SPTLC1: variants seen among roughly 807,000 people sequenced by gnomAD.
SPTLC1 encodes the protein serine palmitoyltransferase long chain base subunit 1.
In SPTLC1, 55 loss-of-function variants were observed where a neutral mutation model predicts 68.9. The ratio of observed to expected loss-of-function variants is 0.80; its 90% CI spans 0.64 to 1.00. The LOEUF (loss-of-function observed/expected upper bound fraction) is 1.00. Ranked by LOEUF, SPTLC1 falls within the 50% of genes least tolerant of loss-of-function variation. SPTLC1 has a pLI of 0.00. For missense variants in SPTLC1, 449 were observed against 573.1 expected (o/e 0.78, Z 2.21); for synonymous variants, 197 against 201.6 (o/e 0.98, Z 0.19).
intron 2 of SPTLC1, chr9:92,111,000 T>C (rs1353697641): frequency 6.6e-6 from 1 of 152,172 alleles, no homozygotes; most frequent in Non-Finnish European, 1.5e-5. Flanking sequence ...CAAACAATAA[T>C]TCATCTAACT....
intron 7 of SPTLC1, among the ~76,000 whole-genome samples, chr9:92,056,283 G>A (rs1833887881): frequency 6.6e-6 from 1 of 152,172 alleles, no homozygotes; most frequent in South Asian, 2.1e-4. Context: ...AGGTGGGAGT[G>A]CAGTGGCGCC....
At chr9:92,086,463 G>C (rs1835137105) in intron 3 of SPTLC1, among the ~76,000 whole-genome samples, 1 of 152,100 alleles carries the variant, frequency 6.6e-6, no homozygotes, top group Non-Finnish European at 1.5e-5. Context: ...CTCAGCATTT[G>C]CTTGTCTGTA....
At chr9:92,114,573 T>C (rs1324790168) in intron 1 of SPTLC1, among the ~76,000 whole-genome samples, 1 of 151,866 alleles carries the variant, frequency 6.6e-6, no homozygotes, top group Non-Finnish European at 1.5e-5. Context: ...CCGTCTCTAA[T>C]AAAAATACAA....
At chr9:92,081,534 C>A (rs1215634104) in intron 3 of SPTLC1, among the ~76,000 whole-genome samples, 1 of 152,168 alleles carries the variant, frequency 6.6e-6, no homozygotes, top group Non-Finnish European at 1.5e-5. Flanking sequence ...TACACTGGAG[C>A]CGGATATGAG....
rs146327121 is a variant in SPTLC1 at position 92,064,684 on chromosome 9, C to T, written c.560+3282G>A. ...GTTTAGAGCAGCTTTTTTTTTATAA[C>T]AGCACAAAGCTGGCAACAACTCAGA... On this transcript the variant is annotated intron_variant, in intron 6 of 14. Coordinates refer to ENST00000262554, the MANE Select transcript of SPTLC1 (RefSeq NM_006415.4). 2.6e-5 allele frequency among the ~76,000 whole-genome samples: 4 copies of T among 152,134 alleles called. No individual in the cohort carries two copies. In the East Asian group the frequency reaches 5.8e-4, roughly 22 times the overall value.
chr9:92,032,502 G>T lies in SPTLC1; in HGVS notation c.1385C>A (p.Ser462Tyr), dbSNP rs150792865. 1.1e-5 allele frequency: 18 copies of T among 1,614,194 alleles called. No homozygotes were observed. Among genetic ancestry groups the T allele is most frequent in the Admixed American group, 3.3e-5 (2 of 60,024 alleles). ...QTEEELERAA[S>Y]TIKEVAQAVL... Reference sequence around the variant, plus strand: ...GGCCTGGGCTACCTCCTTGATGGTGGACGCAGCTCTCTCCAGTTCTTCCTC... The same window carrying T: ...GGCCTGGGCTACCTCCTTGATGGTGTACGCAGCTCTCTCCAGTTCTTCCTC... Residue 462 changes from serine (S) to tyrosine (Y), a missense_variant, in exon 15 of 15, where the codon TCC becomes TAC. Physicochemically the swap from Ser to Tyr is moderately radical, Grantham distance 144. This residue lies in a region of SPTLC1 where 391 missense variants were observed against 472.1 expected (regional missense o/e 0.83). Transcript: ENST00000262554.
At chr9:92,079,924 G>T in intron 5 of SPTLC1, 92 bp downstream of exon 5, 1 of 1,092,172 alleles carries the variant, frequency 9.2e-7, no homozygotes, top group East Asian at 2.4e-5. Context: ...CCAAAGTGCT[G>T]GGAGTACAGG....
At chr9:92,082,217 T>G (rs1219407135) in intron 3 of SPTLC1, among the ~76,000 whole-genome samples, 1 of 152,114 alleles carries the variant, frequency 6.6e-6, no homozygotes, top group Non-Finnish European at 1.5e-5. Flanking sequence ...TCCCTAAGGC[T>G]TCAAGGGCTT....
At chr9:92,086,865 C>G (rs1835159041) in intron 3 of SPTLC1, among the ~76,000 whole-genome samples, 1 of 152,240 alleles carries the variant, frequency 6.6e-6, no homozygotes, top group Non-Finnish European at 1.5e-5. Context: ...TTCTCCCCGT[C>G]ACTTTCAGGT....
chr9:92,058,742 T>C (rs1428192185), intron 7 of SPTLC1, among the ~76,000 whole-genome samples: 1 of 152,202 alleles, frequency 6.6e-6, no homozygotes, highest in Non-Finnish European at 1.5e-5. Flanking sequence ...ACTTTGTTCA[T>C]ATATTAATAT....
chr9:92,055,130 G>A (rs1284302585), intron 8 of SPTLC1: 1 of 673,338 alleles, frequency 1.5e-6, no homozygotes. Flanking sequence ...GAAAGCTAAG[G>A]TGGAAGGATC....
intron 5 of SPTLC1, among the ~76,000 whole-genome samples, chr9:92,072,471 C>T (rs1338773701): frequency 1.3e-5 from 2 of 152,146 alleles, no homozygotes; most frequent in Non-Finnish European, 2.9e-5. Flanking sequence ...CCACACAACC[C>T]GGGACCTCCA....
chr9:92,038,407 G>T, intron 12 of SPTLC1, 42 bp from the exon 13 acceptor site: 1 of 1,281,954 alleles, frequency 7.8e-7, no homozygotes, highest in Non-Finnish European at 1.1e-6. Flanking sequence ...GTCCCTTCCA[G>T]GCTTGAAGAT....
At chr9:92,079,232 C>A in intron 5 of SPTLC1, 1 of 466,242 alleles carries the variant, frequency 2.1e-6, no homozygotes, top group African/African-American at 2.0e-5. Flanking sequence ...TCCACCACCA[C>A]GCCCAGCTAA....
intron 3 of SPTLC1, among the ~76,000 whole-genome samples, chr9:92,092,204 A>G (rs1378500113): frequency 6.6e-6 from 1 of 152,232 alleles, no homozygotes; most frequent in Non-Finnish European, 1.5e-5. Flanking sequence ...AATTTTTGTG[A>G]TAAAGCCGTG....
intron 13 of SPTLC1, 23 bp downstream of exon 13, chr9:92,038,225 G>T (rs1262224804): frequency 4.7e-6 from 7 of 1,478,320 alleles, no homozygotes; most frequent in Non-Finnish European, 1.9e-6. Flanking sequence ...GTGGGGGGAT[G>T]CCTCAAGTCA....
rs965390976 is a variant in SPTLC1, at chr9:92,104,824, G to A, written c.260+3916C>T. ...CCTGGTACAATCCCAGGCCCTTGGAGGGAAATGTCCACCTCAAGAGCTTGA... is the reference window on the plus strand; with the variant it reads ...CCTGGTACAATCCCAGGCCCTTGGAAGGAAATGTCCACCTCAAGAGCTTGA... On this transcript the variant is annotated intron_variant, in intron 3 of 14. Coordinates refer to ENST00000262554, the MANE Select transcript of SPTLC1 (RefSeq NM_006415.4). 20 of 1,530,958 alleles carry A rather than the reference G, an allele frequency of 1.3e-5. No homozygotes were observed. In the Middle Eastern group the frequency reaches 6.9e-4, roughly 53 times the overall value. The allele number at this position is 1,530,958 out of a possible 1,614,324, so 94.8% of individuals were successfully genotyped here.
chr9:92,109,221 A>G (rs1836130799), intron 2 of SPTLC1: 1 of 196,204 alleles, frequency 5.1e-6, no homozygotes, highest in Non-Finnish European at 1.1e-5. Flanking sequence ...TTCCAAGGCC[A>G]CCACACAGCA....
intron 5 of SPTLC1, among the ~76,000 whole-genome samples, chr9:92,074,428 G>C (rs1163533842): frequency 6.6e-6 from 1 of 151,952 alleles, no homozygotes; most frequent in Non-Finnish European, 1.5e-5. Context: ...CTGGACTACA[G>C]CCACATCTCA....
Sources: allele counts gnomAD v4.1 joint callset (sites outside exome capture counted in the v4.1 genomes callset), GRCh38; gene constraint gnomAD v4.1.1; regional missense constraint gnomAD v4.1.1; transcripts MANE v1.5; gene names NCBI Gene and HGNC (gene_info 2026-07-23, HGNC 2026-07-21).